PHF2: variants seen among roughly 807,000 people sequenced by gnomAD.
PHF2 encodes the protein PHD finger protein 2, also known as lysine-specific demethylase PHF2.
Under a neutral mutation model 120.5 loss-of-function variants are expected in PHF2, and 27 were observed. The observed-to-expected ratio is 0.22, with a 90% CI of 0.17 to 0.31. The LOEUF (loss-of-function observed/expected upper bound fraction) is 0.31. Among genes scored for constraint, PHF2 ranks in the 10% least tolerant of loss-of-function variants. PHF2 has a pLI of 1.00. For missense variants in PHF2, 1,024 were observed against 1,434.8 expected (o/e 0.71, Z 4.63); for synonymous variants, 568 against 592.5 (o/e 0.96, Z 0.60).
At chr9:93,672,489 C>G (rs1003528247) in intron 17 of PHF2, 1 of 982,028 alleles carries the variant, frequency 1.0e-6, no homozygotes, top group Admixed American at 6.3e-5. Flanking sequence ...GGAGTAGGCA[C>G]AGGTGTACAT....
chr9:93,577,795 G>T (rs978494510), intron 1 of PHF2, among the ~76,000 whole-genome samples: 1 of 152,166 alleles, frequency 6.6e-6, no homozygotes, highest in South Asian at 2.1e-4. Flanking sequence ...CCATGCCTAG[G>T]GCAGGTCCCT....
At chr9:93,643,942 C>T (rs2117853890) in intron 3 of PHF2, among the ~76,000 whole-genome samples, 1 of 152,288 alleles carries the variant, frequency 6.6e-6, no homozygotes, top group African/African-American at 2.4e-5. Flanking sequence ...TACTGATCTC[C>T]TGAACCCCCT....
chr9:93,643,346 G>C (rs1372109681), intron 3 of PHF2, among the ~76,000 whole-genome samples: 1 of 152,192 alleles, frequency 6.6e-6, no homozygotes, highest in Admixed American at 6.5e-5. Context: ...ACAATTTTCT[G>C]CCTGTGGCCC....
intron 1 of PHF2, among the ~76,000 whole-genome samples, chr9:93,623,500 G>C (rs1156890089): frequency 6.6e-6 from 1 of 152,156 alleles, no homozygotes; most frequent in Admixed American, 6.5e-5. Context: ...CTGGCTTTGG[G>C]CCTTTGCTTC....
In PHF2 at chr9:93,645,620, T is replaced by C. The variant is rs781500573; in HGVS notation, c.300-9T>C. 2 of 1,579,864 alleles carry C rather than the reference T, an allele frequency of 1.3e-6. No homozygotes were observed. The highest frequency in any genetic ancestry group is 1.7e-6 in the Non-Finnish European group (2 of 1,159,706). On this transcript the variant is annotated splice_polypyrimidine_tract_variant and intron_variant, in intron 3 of 21. Coordinates refer to ENST00000359246, the MANE Select transcript of PHF2 (RefSeq NM_005392.4). ...CCCAATGTGGCCTCTGACCTGTGCT[T>C]CCCTGCAGTGCTGAAGACGTGGTGG...
intron 2 of PHF2, among the ~76,000 whole-genome samples, chr9:93,634,291 T>C (rs531921368): frequency 6.6e-6 from 1 of 152,296 alleles, no homozygotes; most frequent in East Asian, 1.9e-4. Flanking sequence ...TCACAGTCAC[T>C]GAGGCTTAGG....
At chr9:93,626,411 G>C (rs1342850496) in intron 1 of PHF2, among the ~76,000 whole-genome samples, 1 of 152,136 alleles carries the variant, frequency 6.6e-6, no homozygotes, top group Non-Finnish European at 1.5e-5. Flanking sequence ...TCCTTTACCT[G>C]TTTATTAATC....
intron 9 of PHF2, among the ~76,000 whole-genome samples, chr9:93,657,469 G>T (rs1826480653): frequency 6.6e-6 from 1 of 152,208 alleles, no homozygotes; most frequent in Non-Finnish European, 1.5e-5. Context: ...GGGAGGCAGG[G>T]ATCAGGGCAG....
chr9:93,674,863 C>A (rs1413818745), intron 18 of PHF2, 64 bp from the exon 19 acceptor site: 11 of 1,199,970 alleles, frequency 9.2e-6, no homozygotes, highest in Non-Finnish European at 1.4e-5. Flanking sequence ...CTGTACCCCC[C>A]CGCCCTCCTC....
intron 1 of PHF2, among the ~76,000 whole-genome samples, chr9:93,579,224 C>T (rs947326873): frequency 6.6e-6 from 1 of 152,158 alleles, no homozygotes; most frequent in East Asian, 1.9e-4. Flanking sequence ...TGTATGGCCC[C>T]GGTGGTTCTT....
At chr9:93,633,709 A>G (rs567024903) in intron 2 of PHF2, among the ~76,000 whole-genome samples, 1 of 152,228 alleles carries the variant, frequency 6.6e-6, no homozygotes, top group South Asian at 2.1e-4. Flanking sequence ...CCCACGAGAG[A>G]GGAGGTACGC....
At chr9:93,670,360 G>A (rs931396792) in intron 17 of PHF2, among the ~76,000 whole-genome samples, 1 of 152,248 alleles carries the variant, frequency 6.6e-6, no homozygotes, top group Non-Finnish European at 1.5e-5. Context: ...ACGTTGCAGG[G>A]TGTACCTGCT....
In PHF2 at chr9:93,581,398, A is replaced by G. The variant is rs1055402743; in HGVS notation, c.98+4527A>G. Among the ~76,000 whole-genome samples, 8 of 152,264 alleles carry G rather than the reference A, an allele frequency of 5.3e-5. No individual in the cohort carries two copies. The East Asian group carries it at 1.5e-3, about 29-fold the overall frequency. Reference sequence around the variant, plus strand: ...ACTGACAGTTAAATCCTAGAACCTCAAATGCCGGGGAGTACTGGGGGAAGG... The same window carrying G: ...ACTGACAGTTAAATCCTAGAACCTCGAATGCCGGGGAGTACTGGGGGAAGG... On this transcript the variant is annotated intron_variant, in intron 1 of 21. Transcript: ENST00000359246.
intron 1 of PHF2, among the ~76,000 whole-genome samples, chr9:93,598,190 TG>T (rs1237958856): frequency 6.6e-6 from 1 of 152,210 alleles, no homozygotes; most frequent in Non-Finnish European, 1.5e-5. Flanking sequence ...GAAGTCCAGA[TG>T]CCTCTAAGGA....
intron 1 of PHF2, among the ~76,000 whole-genome samples, chr9:93,629,058 C>T (rs10992809): frequency 0.02 from 3,064 of 152,012 alleles, 71 homozygotes; most frequent in East Asian, 0.11. Flanking sequence ...CACTGTGCTC[C>T]GGCTAATTTT....
At chr9:93,675,845 T>C in intron 20 of PHF2, 56 bp downstream of exon 20, 4 of 1,358,582 alleles carry the variant, frequency 2.9e-6, no homozygotes, top group Non-Finnish European at 4.2e-6. Context: ...CCCCACCTGG[T>C]GGGCTCAGGT....
Position 93,654,303 on chromosome 9 carries a change from G to T in PHF2, c.790-110G>T. On this transcript the variant is annotated intron_variant, in intron 6 of 21. Coordinates refer to ENST00000359246, the MANE Select transcript of PHF2 (RefSeq NM_005392.4). ...AGCACCTGTGCCCTCAGTGTTGCAG[G>T]CGGGAGTCGTGGACCTGGGCAGGGT... 4 of 928,418 alleles carry T rather than the reference G, an allele frequency of 4.3e-6. No individual in the cohort carries two copies. The Admixed American group carries it at 6.5e-5, about 15-fold the overall frequency. 57.5% of individuals were successfully genotyped at this position (928,418 alleles called of 1,614,324 possible).
intron 16 of PHF2, 147 bp downstream of exon 16, chr9:93,666,207 A>C: frequency 1.5e-6 from 1 of 684,102 alleles, no homozygotes; most frequent in Non-Finnish European, 2.5e-6. Context: ...CCACCCTTTC[A>C]TGAGTGTTCT....
chr9:93,665,495 G>C (rs1051737226), intron 14 of PHF2, among the ~76,000 whole-genome samples, 191 bp from the exon 15 acceptor site: 3 of 152,322 alleles, frequency 2.0e-5, no homozygotes, highest in African/African-American at 7.2e-5. Context: ...CAGAGGCTTG[G>C]GCCCTCTACC....
Sources: allele counts gnomAD v4.1 joint callset (sites outside exome capture counted in the v4.1 genomes callset), GRCh38; gene constraint gnomAD v4.1.1; transcripts MANE v1.5; gene names NCBI Gene and HGNC (gene_info 2026-07-23, HGNC 2026-07-21).